Variants in AP3B1 observed in about 807,000 individuals in gnomAD.
AP3B1 encodes the protein adaptor related protein complex 3 subunit beta 1, also known as AP-3 complex subunit beta-1.
Under a neutral mutation model 132.5 loss-of-function variants are expected in AP3B1, and 61 were observed. The ratio of observed to expected loss-of-function variants is 0.46; its 90% CI spans 0.37 to 0.57. The LOEUF (loss-of-function observed/expected upper bound fraction) is 0.57. AP3B1 is among the 20% of genes least tolerant of loss of function. AP3B1 has a pLI of 0.00. For missense variants in AP3B1, 1,120 were observed against 1,289.4 expected (o/e 0.87, Z 2.01); for synonymous variants, 388 against 438.3 (o/e 0.89, Z 1.43).
chr5:78,211,232 C>A (rs1745724090), intron 7 of AP3B1, among the ~76,000 whole-genome samples: 2 of 152,216 alleles, frequency 1.3e-5, no homozygotes, highest in Admixed American at 6.5e-5. Context: ...TTCTCCCTGA[C>A]AGCCCCATGA....
At chr5:78,174,983 C>A (rs1006891468) in intron 11 of AP3B1, among the ~76,000 whole-genome samples, 1 of 152,268 alleles carries the variant, frequency 6.6e-6, no homozygotes, top group East Asian at 1.9e-4. Context: ...AAGGCTGCTG[C>A]GCTAGCAGTG....
chr5:78,050,167 T>C (rs903970524), intron 22 of AP3B1, among the ~76,000 whole-genome samples: 1 of 152,190 alleles, frequency 6.6e-6, no homozygotes, highest in Admixed American at 6.5e-5. Flanking sequence ...TCAGCTCTAG[T>C]ATGTCTGCTC....
At position 78,216,180 on chromosome 5, in the gene AP3B1, G is replaced by A. The variant is rs1259873451; in HGVS notation, c.661C>T (p.Leu221=). ...FEEVCPDRID[L]IHKNYRKLCN... ...AGCTTGCGGTAATTTTTATGAATCA[G>A]ATCTATTCTGTCCGGGCATACTTCT... Residue 221 remains leucine (L), a synonymous_variant, in exon 7 of 27, where the codon CTG becomes TTG. Coordinates refer to ENST00000255194, the MANE Select transcript of AP3B1 (RefSeq NM_003664.5). 1.2e-6 allele frequency: 2 copies of A among 1,613,926 alleles called. No homozygotes were observed. Among genetic ancestry groups the A allele is most frequent in the South Asian group, 2.2e-5 (2 of 91,076 alleles).
intron 2 of AP3B1, 118 bp from the exon 3 acceptor site, chr5:78,241,054 C>T (rs1444894336): frequency 2.8e-6 from 2 of 710,346 alleles, no homozygotes; most frequent in Non-Finnish European, 5.0e-6. Context: ...ATCATCTTAC[C>T]TCAACTATTT....
chr5:78,010,721 A>C (rs1037466551), intron 26 of AP3B1, among the ~76,000 whole-genome samples: 2 of 152,098 alleles, frequency 1.3e-5, no homozygotes, highest in Non-Finnish European at 2.9e-5. Context: ...ACCTTCGAAC[A>C]CATGAGGTCT....
intron 22 of AP3B1, among the ~76,000 whole-genome samples, chr5:78,054,880 T>C (rs926340342): frequency 6.6e-6 from 1 of 152,090 alleles, no homozygotes; most frequent in African/African-American, 2.4e-5. Context: ...TCTTTGAATC[T>C]GACAGAAGGG....
chr5:78,118,926 G>T (rs1561419664), intron 17 of AP3B1, among the ~76,000 whole-genome samples: 1 of 152,228 alleles, frequency 6.6e-6, no homozygotes, highest in Non-Finnish European at 1.5e-5. Flanking sequence ...GCACCCCCCA[G>T]TAGGGGTAGA....
intron 7 of AP3B1, among the ~76,000 whole-genome samples, chr5:78,207,272 A>G (rs2112462198): frequency 6.6e-6 from 1 of 151,756 alleles, no homozygotes; most frequent in African/African-American, 2.4e-5. Flanking sequence ...AAAAAAAAAA[A>G]AAAAAATTAT....
At chr5:78,110,008 C>G (rs1451832795) in intron 20 of AP3B1, among the ~76,000 whole-genome samples, 199 bp downstream of exon 20, 2 of 152,090 alleles carry the variant, frequency 1.3e-5, no homozygotes, top group African/African-American at 4.8e-5. Flanking sequence ...CAAAAAAGGT[C>G]ATATGCGTAA....
At chr5:78,076,711 T>C (rs180935889) in intron 22 of AP3B1, among the ~76,000 whole-genome samples, 1 of 152,272 alleles carries the variant, frequency 6.6e-6, no homozygotes, top group African/African-American at 2.4e-5. Context: ...AGTTCAACCA[T>C]GTGGCAATAT....
chr5:78,233,462 T>C (rs1746741323), intron 3 of AP3B1, among the ~76,000 whole-genome samples: 1 of 152,068 alleles, frequency 6.6e-6, no homozygotes, highest in Non-Finnish European at 1.5e-5. Context: ...CTTGAACTCC[T>C]GACCTCAGGT....
intron 2 of AP3B1, among the ~76,000 whole-genome samples, chr5:78,266,247 A>G (rs1748317815): frequency 6.6e-6 from 1 of 152,178 alleles, no homozygotes; most frequent in African/African-American, 2.4e-5. Flanking sequence ...ACTGAAATTC[A>G]TATGTATAAA....
chr5:78,209,954 A>C (rs1185680332), intron 7 of AP3B1, among the ~76,000 whole-genome samples: 10 of 152,198 alleles, frequency 6.6e-5, no homozygotes, highest in Non-Finnish European at 1.5e-4. Context: ...AGAATACGGA[A>C]TCTTTACGAT....
At position 78,152,718 on chromosome 5, in the gene AP3B1, C is replaced by G. The variant is rs555063712; in HGVS notation, c.1473+3540G>C. On this transcript the variant is annotated intron_variant, in intron 14 of 26. Coordinates refer to ENST00000255194, the MANE Select transcript of AP3B1 (RefSeq NM_003664.5). ...CCCTTGAGTACTGCTTTTGTTATATCCCTTAGGTTTTAGTATGTTGTGTTT... is the reference window on the plus strand; with the variant it reads ...CCCTTGAGTACTGCTTTTGTTATATGCCTTAGGTTTTAGTATGTTGTGTTT... Among the ~76,000 whole-genome samples the G allele has an allele frequency of 2.5e-4, 38 of 152,082 alleles. No individual in the cohort carries two copies. In the South Asian group the frequency reaches 2.7e-3, roughly 11 times the overall value.
chr5:78,000,862 C>G (rs1013000936), downstream of AP3B1: 2 of 152,030 alleles, frequency 1.3e-5, no homozygotes, highest in Admixed American at 6.6e-5. Context: ...AGAAAAAAAA[C>G]CAAACCTTTA....
intron 22 of AP3B1, among the ~76,000 whole-genome samples, chr5:78,061,374 A>G (rs1167853651): frequency 1.3e-5 from 2 of 152,208 alleles, no homozygotes; most frequent in Non-Finnish European, 2.9e-5. Context: ...GGTGAGTGGT[A>G]TGTCTACAGG....
intron 19 of AP3B1, among the ~76,000 whole-genome samples, chr5:78,110,843 T>C (rs984432928): frequency 4.6e-5 from 7 of 151,260 alleles, no homozygotes; most frequent in African/African-American, 1.7e-4. Context: ...ACTGCAGCCT[T>C]GACCTCCCGG....
intron 1 of AP3B1, among the ~76,000 whole-genome samples, chr5:78,268,532 T>G (rs1748423875): frequency 6.6e-6 from 1 of 152,094 alleles, no homozygotes; most frequent in Middle Eastern, 3.2e-3. Flanking sequence ...CCCATTATTC[T>G]CCTCTACCAG....
chr5:78,272,627 G>A (rs1003226618), intron 1 of AP3B1, among the ~76,000 whole-genome samples: 7 of 152,082 alleles, frequency 4.6e-5, no homozygotes, highest in Admixed American at 6.6e-5. Context: ...TTTTTAAGTC[G>A]TAAGGTGATA....
Sources: gnomAD v4.1 joint callset for allele counts (sites outside exome capture counted in the v4.1 genomes callset) on GRCh38, gnomAD v4.1.1 for gene constraint, MANE v1.5 for transcripts, NCBI Gene and HGNC (gene_info 2026-07-23, HGNC 2026-07-21) for gene names.